DSCAM: variants seen among roughly 807,000 people sequenced by gnomAD.
DSCAM encodes cell adhesion molecule DSCAM.
DSCAM carries 47 observed loss-of-function variants against 217.7 expected under a neutral mutation model. The observed-to-expected ratio is 0.22, with a 90% CI of 0.17 to 0.28. The LOEUF is 0.28. Among genes scored for constraint, DSCAM ranks in the 10% least tolerant of loss-of-function variants. The probability of loss-of-function intolerance (pLI) is 1.00; values close to 1 mark genes in which losing one functional copy is unlikely to be tolerated. For synonymous variants in DSCAM, 1,056 were observed against 1,015.3 expected (o/e 1.04, Z -0.76); for missense variants, 2,080 against 2,618.3 (o/e 0.79, Z 4.49).
At chr21:40,032,785 T>C (rs1853219495) in intron 32 of DSCAM, among the ~76,000 whole-genome samples, 1 of 150,730 alleles carries the variant, frequency 6.6e-6, no homozygotes, top group Admixed American at 6.6e-5. Context: ...CTTTTGCTTC[T>C]TACTTTTGCA....
At chr21:40,618,752 G>C (rs1026782881) in intron 3 of DSCAM, 3 of 152,004 alleles carry the variant, frequency 2.0e-5, no homozygotes, top group African/African-American at 4.8e-5. Flanking sequence ...AGATTGACTG[G>C]GAGAATGGAG....
intron 3 of DSCAM, among the ~76,000 whole-genome samples, chr21:40,443,694 A>C (rs560675561): frequency 2.0e-5 from 3 of 152,330 alleles, no homozygotes; most frequent in African/African-American, 7.2e-5. Flanking sequence ...AATTTTTAAA[A>C]AAGTAAAGGA....
chr21:40,310,566 C>A (rs1430773128), intron 9 of DSCAM, among the ~76,000 whole-genome samples: 3 of 152,252 alleles, frequency 2.0e-5, no homozygotes, highest in Non-Finnish European at 2.9e-5. Flanking sequence ...TCATTTTCAG[C>A]TCATCTGATT....
At chr21:40,693,092 C>T in intron 2 of DSCAM, 136 bp from the exon 3 acceptor site, 3 of 1,030,108 alleles carry the variant, frequency 2.9e-6, no homozygotes, top group East Asian at 2.6e-5. Context: ...AGTTAAGATG[C>T]CTACATTTCA....
intron 10 of DSCAM, among the ~76,000 whole-genome samples, chr21:40,284,137 TA>T (rs142810100): frequency 5.5e-4 from 83 of 152,238 alleles, no homozygotes; most frequent in African/African-American, 1.8e-3. Context: ...AATGGAAAGA[TA>T]AGAGAAAAAG....
At chr21:40,717,850 T>C (rs984653749) in intron 1 of DSCAM, among the ~76,000 whole-genome samples, 1 of 152,164 alleles carries the variant, frequency 6.6e-6, no homozygotes, top group Middle Eastern at 3.2e-3. Context: ...TCAATGAAAG[T>C]TTTGACAATG....
intron 3 of DSCAM, among the ~76,000 whole-genome samples, chr21:40,526,340 C>T (rs944958239): frequency 4.6e-5 from 7 of 152,144 alleles, no homozygotes; most frequent in African/African-American, 1.4e-4. Context: ...TTGTGACTTA[C>T]CACAAGGCCA....
intron 1 of DSCAM, among the ~76,000 whole-genome samples, chr21:40,809,564 A>C (rs1247252220): frequency 1.3e-5 from 2 of 152,224 alleles, no homozygotes; most frequent in Non-Finnish European, 2.9e-5. Flanking sequence ...GAAGTAGGTA[A>C]GTGGCTAAGA....
intron 3 of DSCAM, among the ~76,000 whole-genome samples, chr21:40,605,791 C>CTTT (rs755767800): frequency 0.12 from 7,566 of 62,020 alleles, 1,727 homozygotes; most frequent in Non-Finnish European, 0.15. Flanking sequence ...AATGCACATT[C>CTTT]TTTTTTTTTT....
At position 40,093,717 on chromosome 21, in the gene DSCAM, C is replaced by G. The variant is rs780871050; in HGVS notation, c.3850+4G>C. On this transcript the variant is annotated splice_donor_region_variant and intron_variant, in intron 21 of 32. Transcript: ENST00000400454. ...GAAATGAGGTCCTTATAGCCACTGCCTACCTTTTGCTAGTGGCTCGACTGT... is the reference window on the plus strand; with the variant it reads ...GAAATGAGGTCCTTATAGCCACTGCGTACCTTTTGCTAGTGGCTCGACTGT... The G allele has an allele frequency of 6.2e-6, 10 of 1,613,950 alleles. No individual in the cohort carries two copies. The highest frequency in any genetic ancestry group is 7.6e-6 in the Non-Finnish European group (9 of 1,179,942).
intron 11 of DSCAM, among the ~76,000 whole-genome samples, chr21:40,224,369 T>C (rs1378616269): frequency 1.3e-5 from 2 of 152,214 alleles, no homozygotes; most frequent in African/African-American, 2.4e-5. Context: ...TTGTTCTTAG[T>C]CAATTGTTTA....
chr21:40,140,145 C>G (rs115440614), intron 18 of DSCAM, among the ~76,000 whole-genome samples: 1 of 152,040 alleles, frequency 6.6e-6, no homozygotes, highest in African/African-American at 2.4e-5. Flanking sequence ...CGTGAACTGA[C>G]CTGCCTCATA....
At position 40,746,375 on chromosome 21, in the gene DSCAM, C is replaced by CAAA. The variant is rs3071028; in HGVS notation, c.44-37607_44-37605dup. On this transcript the variant is annotated intron_variant, in intron 1 of 32. Transcript: ENST00000400454. The stretch of plus-strand genomic sequence containing the variant: ...AAAAGATATTCCAAACAAATTGAAG[C>CAAA]AAAAAAAAAAAGCAGGAATAACAAT... Among the ~76,000 whole-genome samples the CAAA allele has an allele frequency of 1.6e-3, 233 of 142,034 alleles. 2 individuals carry two copies. The highest frequency in any genetic ancestry group is 8.7e-3 in the South Asian group (40 of 4,580). 93.2% of individuals were successfully genotyped at this position (142,034 alleles called of 152,430 possible). A position where few individuals can be genotyped will look rare whatever the true frequency, so the allele number is the denominator to read the frequency against.
At chr21:40,449,889 T>C (rs1228632367) in intron 3 of DSCAM, among the ~76,000 whole-genome samples, 2 of 152,202 alleles carry the variant, frequency 1.3e-5, no homozygotes, top group African/African-American at 4.8e-5. Context: ...ATTCTATACA[T>C]TATAATAGTT....
intron 20 of DSCAM, among the ~76,000 whole-genome samples, chr21:40,111,418 C>A (rs963950754): frequency 2.6e-5 from 4 of 151,824 alleles, no homozygotes; most frequent in Non-Finnish European, 4.4e-5. Context: ...AAAGGAAGCA[C>A]TAAACATGGA....
At chr21:40,310,150 C>T (rs56825886) in intron 9 of DSCAM, among the ~76,000 whole-genome samples, 8,859 of 152,190 alleles carry the variant, frequency 0.058, 610 homozygotes, top group East Asian at 0.25. Flanking sequence ...TTTAGACCTC[C>T]CTATGCAATC....
chr21:40,703,994 T>C (rs2090684912), intron 2 of DSCAM, among the ~76,000 whole-genome samples: 1 of 152,208 alleles, frequency 6.6e-6, no homozygotes, highest in African/African-American at 2.4e-5. Flanking sequence ...ATTATCATCT[T>C]GCATTAATGT....
chr21:40,415,610 G>A (rs2075363530), intron 3 of DSCAM, among the ~76,000 whole-genome samples: 1 of 152,200 alleles, frequency 6.6e-6, no homozygotes, highest in African/African-American at 2.4e-5. Flanking sequence ...CCTAGGCCTG[G>A]ACAGGGAAGT....
chr21:40,018,777 A>T (rs1012033049), intron 32 of DSCAM, among the ~76,000 whole-genome samples: 1 of 152,324 alleles, frequency 6.6e-6, no homozygotes, highest in South Asian at 2.1e-4. Flanking sequence ...GAGAAATAAA[A>T]ATCCTTCCTA....
Sources: allele counts gnomAD v4.1 joint callset (sites outside exome capture counted in the v4.1 genomes callset), GRCh38; gene constraint gnomAD v4.1.1; transcripts MANE v1.5; gene names NCBI Gene and HGNC (gene_info 2026-07-23, HGNC 2026-07-21).